The following DOK6 variants were observed in gnomAD, a reference collection of about 807,000 sequenced individuals.
DOK6 encodes the protein downstream of tyrosine kinase 6.
In DOK6, 22 loss-of-function variants were observed where a neutral mutation model predicts 44.0. The observed-to-expected ratio is 0.50, with a 90% CI of 0.36 to 0.71. The LOEUF is 0.71. DOK6 is among the 30% of genes least tolerant of loss of function. DOK6 has a pLI of 0.00. For synonymous variants in DOK6, 166 were observed against 145.5 expected, an observed-to-expected ratio of 1.14 and a Z score of -1.01; for missense variants, 340 against 416.4, an observed-to-expected ratio of 0.82 and a Z score of 1.60.
chr18:69,401,731 T>G (rs1916104419), intron 1 of DOK6, among the ~76,000 whole-genome samples: 1 of 152,104 alleles, frequency 6.6e-6, no homozygotes. Context: ...CATTTTCTGG[T>G]CTCCGCTTCC....
intron 1 of DOK6, among the ~76,000 whole-genome samples, chr18:69,433,435 A>T (rs931964491): frequency 3.9e-5 from 6 of 152,238 alleles, no homozygotes; most frequent in African/African-American, 1.4e-4. Flanking sequence ...CTACATTTTT[A>T]AAAATTGTAT....
chr18:69,620,919 T>C (rs1312717415), intron 3 of DOK6, among the ~76,000 whole-genome samples: 1 of 152,182 alleles, frequency 6.6e-6, no homozygotes, highest in Admixed American at 6.5e-5. Flanking sequence ...AAGTGAAATA[T>C]TATTTTCATG....
In DOK6 at chr18:69,683,265, G is replaced by A. The variant is rs187071051; in HGVS notation, c.409+5412G>A. On this transcript the variant is annotated intron_variant, in intron 4 of 7. Coordinates refer to ENST00000382713, the MANE Select transcript of DOK6 (RefSeq NM_152721.6). The stretch of plus-strand genomic sequence containing the variant: ...AGTGAGTTCCTGGAAATGCTACTCT[G>A]ACAATAATGACGACCTGCTCTCTGC... Among the ~76,000 whole-genome samples, 44 of 152,096 alleles carry A rather than the reference G, an allele frequency of 2.9e-4. 1 individual carries two copies. The highest frequency in any genetic ancestry group is 9.9e-4 in the African/African-American group (41 of 41,490).
In DOK6 at chr18:69,751,355, ATATAAT is replaced by A. The variant is rs1213092451; in HGVS notation, c.739-6395_739-6390del. ...ATTATAATATGTGCCCCACAAATAT[ATATAAT>A]TATAAATTGTCAATTTATAGTACAG... On this transcript the variant is annotated intron_variant, in intron 6 of 7. Transcript: ENST00000382713. Among the ~76,000 whole-genome samples, 7 of 152,288 alleles carry A rather than the reference ATATAAT, an allele frequency of 4.6e-5. No individual in the cohort carries two copies. In the East Asian group the frequency reaches 1.2e-3, roughly 25 times the overall value.
intron 2 of DOK6, among the ~76,000 whole-genome samples, chr18:69,567,563 A>G (rs1420194370): frequency 6.6e-6 from 1 of 152,218 alleles, no homozygotes; most frequent in Non-Finnish European, 1.5e-5. Flanking sequence ...AAGAGGTCAT[A>G]AAAACTGAAT....
intron 3 of DOK6, among the ~76,000 whole-genome samples, chr18:69,671,835 A>G (rs1282639810): frequency 1.3e-5 from 2 of 152,212 alleles, no homozygotes; most frequent in Non-Finnish European, 2.9e-5. Context: ...TTCCATATTT[A>G]TGTATTCATT....
intron 1 of DOK6, among the ~76,000 whole-genome samples, chr18:69,507,661 G>A (rs1055880031): frequency 6.6e-6 from 1 of 151,844 alleles, no homozygotes; most frequent in African/African-American, 2.4e-5. Context: ...GTTGTAAAAG[G>A]AACTTTTTAA....
chr18:69,696,552 G>A (rs12958036), intron 4 of DOK6, among the ~76,000 whole-genome samples: 58,952 of 151,910 alleles, frequency 0.39, 11,757 homozygotes, highest in Middle Eastern at 0.48. Flanking sequence ...TTTACTTTCC[G>A]TTTCTATAAC....
intron 1 of DOK6, among the ~76,000 whole-genome samples, chr18:69,547,499 C>G (rs1665145648): frequency 6.6e-6 from 1 of 151,404 alleles, no homozygotes; most frequent in African/African-American, 2.4e-5. Flanking sequence ...CAAATCCACC[C>G]CCATGATCCA....
intron 2 of DOK6, among the ~76,000 whole-genome samples, chr18:69,591,909 G>T (rs1398360504): frequency 6.6e-6 from 1 of 152,000 alleles, no homozygotes; most frequent in Non-Finnish European, 1.5e-5. Context: ...TTCTTCATAT[G>T]TTCTTAATCA....
chr18:69,754,821 G>A (rs533345313), intron 6 of DOK6, among the ~76,000 whole-genome samples: 1 of 152,258 alleles, frequency 6.6e-6, no homozygotes, highest in Admixed American at 6.5e-5. Flanking sequence ...CTCTTTAAAA[G>A]CCTTGTCTTC....
chr18:69,587,407 T>A (rs1983528433), intron 2 of DOK6, among the ~76,000 whole-genome samples: 1 of 152,126 alleles, frequency 6.6e-6, no homozygotes, highest in South Asian at 2.1e-4. Flanking sequence ...CTCCCTCTCC[T>A]CGTCTCTTGT....
chr18:69,811,745 G>T (rs1177301270), intron 7 of DOK6, among the ~76,000 whole-genome samples: 3 of 151,816 alleles, frequency 2.0e-5, no homozygotes, highest in Admixed American at 1.3e-4. Context: ...TCTGATATAT[G>T]CTTAAATTCC....
chr18:69,736,715 T>C (rs910190635), intron 5 of DOK6, among the ~76,000 whole-genome samples: 2 of 152,266 alleles, frequency 1.3e-5, no homozygotes, highest in Admixed American at 1.3e-4. Flanking sequence ...TTTGCCCTTT[T>C]TGACATATTT....
At chr18:69,691,720 A>G (rs1986272339) in intron 4 of DOK6, among the ~76,000 whole-genome samples, 1 of 152,196 alleles carries the variant, frequency 6.6e-6, no homozygotes, top group Admixed American at 6.5e-5. Context: ...CTTTATAGTT[A>G]GCTGAGCTTG....
chr18:69,681,293 T>A (rs535399694), intron 4 of DOK6, among the ~76,000 whole-genome samples: 1 of 152,344 alleles, frequency 6.6e-6, no homozygotes, highest in East Asian at 1.9e-4. Flanking sequence ...TTTTTTGACA[T>A]TCAAAAATGC....
chr18:69,630,305 T>C (rs1339182132), intron 3 of DOK6, among the ~76,000 whole-genome samples: 2 of 152,190 alleles, frequency 1.3e-5, no homozygotes, highest in Non-Finnish European at 2.9e-5. Context: ...TGATTATGGG[T>C]TTTCTGATTC....
chr18:69,410,672 A>T (rs954944697), intron 1 of DOK6, among the ~76,000 whole-genome samples: 1 of 152,206 alleles, frequency 6.6e-6, no homozygotes, highest in Admixed American at 6.5e-5. Context: ...GGCTCTCTTG[A>T]TACATGACTG....
In DOK6 at chr18:69,781,054, A is replaced by G. The variant is rs139588397; in HGVS notation, c.856+23181A>G. On this transcript the variant is annotated intron_variant, in intron 7 of 7. Coordinates refer to ENST00000382713, the MANE Select transcript of DOK6 (RefSeq NM_152721.6). Reference sequence around the variant, plus strand: ...TGCACACTGTGTCTTTGCAATCCCCACAAACAATTTCAGCTACCAAGAGAA... The same window carrying G: ...TGCACACTGTGTCTTTGCAATCCCCGCAAACAATTTCAGCTACCAAGAGAA... 2.1e-4 allele frequency among the ~76,000 whole-genome samples: 32 copies of G among 152,292 alleles called. 1 individual carries two copies. In the East Asian group the frequency reaches 6.2e-3, roughly 29 times the overall value.
Sources: gnomAD v4.1 joint callset for allele counts (sites outside exome capture counted in the v4.1 genomes callset) on GRCh38, gnomAD v4.1.1 for gene constraint, MANE v1.5 for transcripts, NCBI Gene and HGNC (gene_info 2026-07-23, HGNC 2026-07-21) for gene names.